TENM2: variants seen among roughly 807,000 people sequenced by gnomAD.
TENM2 encodes teneurin transmembrane protein 2, also known as teneurin-2.
TENM2 carries 52 observed loss-of-function variants against 245.2 expected under a neutral mutation model. The ratio of observed to expected loss-of-function variants is 0.21; its 90% CI spans 0.17 to 0.27. The LOEUF (loss-of-function observed/expected upper bound fraction) is 0.27, where lower values mean the gene tolerates loss of function less well. TENM2 is among the 10% of genes least tolerant of loss of function. The probability of loss-of-function intolerance (pLI) is 1.00; values close to 1 mark genes in which losing one functional copy is unlikely to be tolerated. For synonymous variants in TENM2, 1,363 were observed against 1,438.9 expected, an observed-to-expected ratio of 0.95 and a Z score of 1.19; for missense variants, 3,046 against 3,666.8, an observed-to-expected ratio of 0.83 and a Z score of 4.37.
chr5:167,605,357 A>G (rs966279400), intron 2 of TENM2, among the ~76,000 whole-genome samples: 5 of 152,194 alleles, frequency 3.3e-5, no homozygotes, highest in African/African-American at 1.2e-4. Context: ...CATGCATGGT[A>G]TAAGGATATG....
intron 2 of TENM2, among the ~76,000 whole-genome samples, chr5:167,526,478 T>A (rs1257572859): frequency 6.6e-6 from 1 of 151,982 alleles, no homozygotes; most frequent in Non-Finnish European, 1.5e-5. Flanking sequence ...TAATGTTTCA[T>A]AAGAAGCCTA....
chr5:168,165,031 T>G (rs1758092495), intron 13 of TENM2: 1 of 152,158 alleles, frequency 6.6e-6, no homozygotes, highest in Non-Finnish European at 1.5e-5. Flanking sequence ...TAATGGGTAT[T>G]TTGCAGTTTC....
intron 2 of TENM2, among the ~76,000 whole-genome samples, chr5:167,773,178 A>G (rs1763515506): frequency 6.6e-6 from 1 of 152,324 alleles, no homozygotes; most frequent in Non-Finnish European, 1.5e-5. Flanking sequence ...GACTATTTTG[A>G]CAATTTTTAA....
At chr5:167,402,789 T>G (rs1762432475) in intron 2 of TENM2, among the ~76,000 whole-genome samples, 1 of 152,146 alleles carries the variant, frequency 6.6e-6, no homozygotes, top group African/African-American at 2.4e-5. Flanking sequence ...GCTCTGTAGC[T>G]TAACAAGGGT....
the TENM2 span, among the ~76,000 whole-genome samples, chr5:167,086,629 CT>C: frequency 6.6e-6 from 1 of 152,018 alleles, no homozygotes; most frequent in Non-Finnish European, 1.5e-5. Flanking sequence ...AAGCATGAGT[CT>C]ATTTCTCCAG....
intron 2 of TENM2, among the ~76,000 whole-genome samples, chr5:167,690,923 ATGTGTGTGTGTGTGTGTGTG>A (rs375456466): frequency 3.8e-5 from 3 of 78,732 alleles, no homozygotes; most frequent in Non-Finnish European, 7.5e-5. Context: ...ATATGCGAGT[ATGTGTGTGTGTGTGTGTGTG>A]TGTGTGTGTG....
intron 2 of TENM2, among the ~76,000 whole-genome samples, chr5:167,842,094 C>T (rs567588800): frequency 3.9e-5 from 6 of 152,118 alleles, no homozygotes; most frequent in African/African-American, 1.4e-4. Context: ...CCCTAAGGCT[C>T]ACTGCTCTTA....
chr5:167,875,599 C>T (rs554872126), intron 2 of TENM2, among the ~76,000 whole-genome samples: 42 of 152,100 alleles, frequency 2.8e-4, no homozygotes, highest in African/African-American at 9.6e-4. Flanking sequence ...AGGACTGGGA[C>T]AATGGGGAGT....
chr5:167,345,589 A>G (rs17068337), intron 1 of TENM2, among the ~76,000 whole-genome samples: 2,972 of 152,316 alleles, frequency 0.02, 108 homozygotes, highest in African/African-American at 0.067. Flanking sequence ...AGAGATATGA[A>G]TACAGAAGTC....
chr5:166,979,364 T>G, the TENM2 span, among the ~76,000 whole-genome samples: 1 of 151,742 alleles, frequency 6.6e-6, no homozygotes, highest in Non-Finnish European at 1.5e-5. Context: ...TTGGGATTAT[T>G]TTTTTTCCCC....
At chr5:167,430,068 G>A (rs1384368510) in intron 2 of TENM2, among the ~76,000 whole-genome samples, 2 of 152,154 alleles carry the variant, frequency 1.3e-5, no homozygotes, top group African/African-American at 2.4e-5. Flanking sequence ...GACTGGTGGG[G>A]AGAGTACAGG....
intron 2 of TENM2, among the ~76,000 whole-genome samples, chr5:167,454,775 G>C (rs1329644901): frequency 1.3e-5 from 2 of 152,102 alleles, no homozygotes; most frequent in Non-Finnish European, 2.9e-5. Flanking sequence ...TCCCACAAAA[G>C]TCCAGGGACT....
intron 5 of TENM2, among the ~76,000 whole-genome samples, chr5:168,024,057 C>T (rs775278385): frequency 4.0e-5 from 6 of 151,846 alleles, no homozygotes; most frequent in Admixed American, 1.3e-4. Context: ...ATAGATAGAC[C>T]GACATATACA....
At chr5:168,032,092 G>T (rs1429610497) in intron 5 of TENM2, among the ~76,000 whole-genome samples, 2 of 152,138 alleles carry the variant, frequency 1.3e-5, no homozygotes, top group South Asian at 4.1e-4. Context: ...GAGTCCCCAA[G>T]TTCAAAGCCC....
chr5:167,409,490 G>C (rs778688917), intron 2 of TENM2, among the ~76,000 whole-genome samples: 2 of 151,856 alleles, frequency 1.3e-5, no homozygotes, highest in African/African-American at 2.4e-5. Context: ...TTAATAAGCA[G>C]CCTAAAAATT....
Position 167,422,728 on chromosome 5 carries a change from A to G in TENM2, c.502+47255A>G, listed in dbSNP as rs1763585062. 3.3e-5 allele frequency among the ~76,000 whole-genome samples: 5 copies of G among 152,282 alleles called. No homozygotes were observed. In the South Asian group the frequency reaches 1.0e-3, roughly 32 times the overall value. On this transcript the variant is annotated intron_variant, in intron 2 of 28. Transcript: ENST00000518659. ...GTGGAGTGTGTAATCCCTTAACGTA[A>G]GATACCTCCATGAATCCCAATGCCT...
chr5:167,016,343 G>A, the TENM2 span, among the ~76,000 whole-genome samples: 2 of 147,900 alleles, frequency 1.4e-5, no homozygotes, highest in South Asian at 2.1e-4. Flanking sequence ...CTGAAAAATC[G>A]TTAGTGTACA....
chr5:167,383,862 C>T (rs991940160), intron 2 of TENM2, among the ~76,000 whole-genome samples: 1 of 151,934 alleles, frequency 6.6e-6, no homozygotes, highest in Non-Finnish European at 1.5e-5. Context: ...CATACACTTG[C>T]ACACACATAG....
At chr5:167,624,347 T>C (rs925194777) in intron 2 of TENM2, among the ~76,000 whole-genome samples, 4 of 152,180 alleles carry the variant, frequency 2.6e-5, no homozygotes, top group African/African-American at 9.7e-5. Flanking sequence ...ATGTTCTTAT[T>C]GATAATTGAG....
Sources: allele counts gnomAD v4.1 joint callset (sites outside exome capture counted in the v4.1 genomes callset), GRCh38; gene constraint gnomAD v4.1.1; transcripts MANE v1.5; gene names NCBI Gene and HGNC (gene_info 2026-07-23, HGNC 2026-07-21).